OLFM2: variants seen among roughly 807,000 people sequenced by gnomAD.
The protein encoded by OLFM2 is noelin-2.
A neutral mutation model predicts 43.9 loss-of-function variants in OLFM2; 20 were observed. That is an observed-to-expected ratio of 0.46 (90% CI 0.32 to 0.66). OLFM2 has a LOEUF of 0.66. OLFM2 is among the 30% of genes least tolerant of loss of function. The pLI is 0.04. For missense variants in OLFM2, 416 were observed against 643.6 expected (o/e 0.65, Z 3.83); for synonymous variants, 268 against 278.6 (o/e 0.96, Z 0.38).
chr19:9,854,659 C>T lies in OLFM2; in HGVS notation c.892G>A (p.Val298Met). 6.2e-7 allele frequency: 1 copy of T among 1,614,246 alleles called. No homozygotes were observed. The highest frequency in any genetic ancestry group is 8.5e-7 in the Non-Finnish European group (1 of 1,180,042). The change falls in exon 6 of 6, where the codon GTG becomes ATG. Residue 298 changes from valine to methionine, a missense_variant. By Grantham distance (21) the Val-to-Met change is conservative. Coordinates refer to ENST00000264833, the MANE Select transcript of OLFM2 (RefSeq NM_058164.4). This position sits in a 1 kb window ranked among gnomAD's most constrained non-coding sequence, Gnocchi z 9.5. ...VVKYHFRSRS[V>M]LVQRSLPGAG... ...CCCGGGAGGCTCCTCTGCACCAGCACAGAGCGCGAGCGGAAGTGGTATTTG... is the reference window on the plus strand; with the variant it reads ...CCCGGGAGGCTCCTCTGCACCAGCATAGAGCGCGAGCGGAAGTGGTATTTG...
At chr19:9,916,899 T>C (rs1286064841) in intron 1 of OLFM2, among the ~76,000 whole-genome samples, 1 of 152,142 alleles carries the variant, frequency 6.6e-6, no homozygotes. Context: ...TTCTTGAAAC[T>C]CCTTTTTCCC....
intron 1 of OLFM2, among the ~76,000 whole-genome samples, chr19:9,869,364 A>G (rs1013173924): frequency 6.6e-6 from 1 of 152,156 alleles, no homozygotes. Flanking sequence ...AGTAGGGCCA[A>G]CTGGTAAGAG....
intron 1 of OLFM2, among the ~76,000 whole-genome samples, chr19:9,928,444 G>A (rs1428902718): frequency 6.6e-6 from 1 of 150,718 alleles, no homozygotes; most frequent in Non-Finnish European, 1.5e-5. Flanking sequence ...CAGGATTGTT[G>A]GAACTATGTG....
At chr19:9,894,545 A>G (rs1042993648) in intron 1 of OLFM2, among the ~76,000 whole-genome samples, 1 of 151,680 alleles carries the variant, frequency 6.6e-6, no homozygotes, top group Non-Finnish European at 1.5e-5. Context: ...CCCCGTCTCT[A>G]CTAAAAATAC....
chr19:9,886,449 T>C (rs940885814), intron 1 of OLFM2, among the ~76,000 whole-genome samples: 1 of 151,580 alleles, frequency 6.6e-6, no homozygotes, highest in Admixed American at 6.6e-5. Context: ...TCAGGTGATC[T>C]GCCCACCTTG....
intron 1 of OLFM2, among the ~76,000 whole-genome samples, chr19:9,878,219 G>A (rs982378559): frequency 4.6e-5 from 7 of 152,028 alleles, no homozygotes; most frequent in African/African-American, 1.7e-4. Context: ...CATACGCAAC[G>A]TGATATTCAA....
chr19:9,919,551 T>C (rs1480231059), intron 1 of OLFM2, among the ~76,000 whole-genome samples: 1 of 152,004 alleles, frequency 6.6e-6, no homozygotes. Context: ...GGCCTGATCT[T>C]GGCTCACTGC....
chr19:9,928,152 A>T (rs1041938387), intron 1 of OLFM2, among the ~76,000 whole-genome samples: 1 of 152,064 alleles, frequency 6.6e-6, no homozygotes, highest in Non-Finnish European at 1.5e-5. Flanking sequence ...TTGAGGCTAC[A>T]GTGGGCTGTG....
intron 1 of OLFM2, among the ~76,000 whole-genome samples, chr19:9,927,644 C>T (rs1157456880): frequency 2.0e-5 from 3 of 152,204 alleles, no homozygotes; most frequent in Non-Finnish European, 1.5e-5. Flanking sequence ...TACCATGTGT[C>T]GGCTGCATCT....
At chr19:9,888,283 G>A (rs1334804584) in intron 1 of OLFM2, among the ~76,000 whole-genome samples, 2 of 152,080 alleles carry the variant, frequency 1.3e-5, no homozygotes, top group African/African-American at 2.4e-5. Flanking sequence ...AGCACTTTGG[G>A]AGGCTGAGGT....
intron 1 of OLFM2, among the ~76,000 whole-genome samples, chr19:9,866,497 C>CTT (rs35368530): frequency 0.18 from 22,023 of 125,440 alleles, 2,526 homozygotes; most frequent in South Asian, 0.23. Flanking sequence ...AGCCAACCCA[C>CTT]TTTTTTTTTT....
intron 1 of OLFM2, among the ~76,000 whole-genome samples, chr19:9,898,639 CA>C (rs1405355488): frequency 6.6e-6 from 1 of 152,142 alleles, no homozygotes; most frequent in Non-Finnish European, 1.5e-5. Flanking sequence ...TCTGGAATTA[CA>C]GGCATGAGCC....
At chr19:9,882,162 C>T (rs1343351911) in intron 1 of OLFM2, among the ~76,000 whole-genome samples, 1 of 151,204 alleles carries the variant, frequency 6.6e-6, no homozygotes, top group Non-Finnish European at 1.5e-5. Flanking sequence ...TCACCTCAGC[C>T]CAGGGAGGTC....
At chr19:9,924,538 C>T (rs900638608) in intron 1 of OLFM2, among the ~76,000 whole-genome samples, 6 of 152,082 alleles carry the variant, frequency 3.9e-5, no homozygotes, top group Middle Eastern at 3.4e-3. Context: ...GGATTATGGG[C>T]GTGAGCCATT....
chr19:9,901,491 C>A (rs1208608736), intron 1 of OLFM2, among the ~76,000 whole-genome samples: 1 of 152,128 alleles, frequency 6.6e-6, no homozygotes, highest in Non-Finnish European at 1.5e-5. Flanking sequence ...GTGTGGTGAG[C>A]AGGGCTGTGC....
chr19:9,898,559 T>G (rs528421396), intron 1 of OLFM2, among the ~76,000 whole-genome samples: 5 of 152,146 alleles, frequency 3.3e-5, no homozygotes, highest in African/African-American at 1.2e-4. Flanking sequence ...AGACTGGGTC[T>G]TGCTATGTTG....
chr19:9,886,203 T>A, intron 1 of OLFM2, among the ~76,000 whole-genome samples: 1 of 152,102 alleles, frequency 6.6e-6, no homozygotes. Context: ...AGAGGGTTTT[T>A]GTTTTTGTTT....
chr19:9,878,684 T>C (rs955310277), intron 1 of OLFM2, among the ~76,000 whole-genome samples: 24 of 152,094 alleles, frequency 1.6e-4, no homozygotes, highest in Non-Finnish European at 2.4e-4. Flanking sequence ...GAAATACCAG[T>C]GGCTGTTTTC....
chr19:9,860,121 C>T (rs1227150717), intron 2 of OLFM2, among the ~76,000 whole-genome samples: 3 of 150,958 alleles, frequency 2.0e-5, no homozygotes, highest in African/African-American at 7.3e-5. Flanking sequence ...GCACTCCAGC[C>T]TGGGCGACAG....
Sources: allele counts gnomAD v4.1 joint callset (sites outside exome capture counted in the v4.1 genomes callset), GRCh38; gene constraint gnomAD v4.1.1; non-coding constraint Gnocchi (gnomAD v3.1); transcripts MANE v1.5; gene names NCBI Gene and HGNC (gene_info 2026-07-23, HGNC 2026-07-21).